LHFPL3: variants seen among roughly 807,000 people sequenced by gnomAD.
LHFPL3 encodes the protein LHFPL tetraspan subfamily member 3 protein.
In LHFPL3, 5 loss-of-function variants were observed where a neutral mutation model predicts 19.3. The observed-to-expected ratio is 0.26, with a 90% confidence interval of 0.14 to 0.54. The LOEUF (loss-of-function observed/expected upper bound fraction) is 0.54, where lower values mean the gene tolerates loss of function less well. Ranked by LOEUF, LHFPL3 falls within the 20% of genes least tolerant of loss-of-function variation. The pLI, the probability that LHFPL3 is intolerant of heterozygous loss-of-function variation, is 0.94. For missense variants in LHFPL3, 249 were observed against 307.4 expected (o/e 0.81, Z 1.42); for synonymous variants, 133 against 126.2 (o/e 1.05, Z -0.36).
intron 1 of LHFPL3, among the ~76,000 whole-genome samples, chr7:104,361,478 G>A (rs927347353): frequency 6.6e-6 from 1 of 152,106 alleles, no homozygotes; most frequent in East Asian, 1.9e-4. Context: ...AATTGCTTTT[G>A]AACTTTTCCA....
chr7:104,641,042 A>G (rs1446275448), intron 1 of LHFPL3, among the ~76,000 whole-genome samples: 3 of 152,234 alleles, frequency 2.0e-5, no homozygotes, highest in South Asian at 2.1e-4. Context: ...CCAAGTGAAC[A>G]TATCTGTGGT....
At chr7:104,685,303 C>T (rs528091016) in intron 1 of LHFPL3, among the ~76,000 whole-genome samples, 3 of 152,202 alleles carry the variant, frequency 2.0e-5, no homozygotes, top group East Asian at 1.9e-4. Flanking sequence ...ACCAAGATCC[C>T]GCCACTGCAC....
chr7:104,611,837 A>T (rs1361419973), intron 1 of LHFPL3, among the ~76,000 whole-genome samples: 2 of 152,196 alleles, frequency 1.3e-5, no homozygotes, highest in Non-Finnish European at 2.9e-5. Flanking sequence ...TTTGAAAGCA[A>T]GAAGATAATA....
At chr7:104,367,435 T>C (rs1790515392) in intron 1 of LHFPL3, among the ~76,000 whole-genome samples, 1 of 152,216 alleles carries the variant, frequency 6.6e-6, no homozygotes, top group Non-Finnish European at 1.5e-5. Flanking sequence ...AGAATTGTTA[T>C]GTTGTTGTAC....
chr7:104,702,161 T>C (rs1793115928), intron 1 of LHFPL3, among the ~76,000 whole-genome samples: 1 of 152,278 alleles, frequency 6.6e-6, no homozygotes, highest in East Asian at 1.9e-4. Flanking sequence ...TTGCTGAGAA[T>C]GATGATTTCC....
intron 1 of LHFPL3, among the ~76,000 whole-genome samples, chr7:104,450,055 T>C (rs1431338425): frequency 6.6e-6 from 1 of 152,230 alleles, no homozygotes; most frequent in Non-Finnish European, 1.5e-5. Context: ...AAGAGACCCC[T>C]CTCAGGATGG....
At chr7:104,603,128 T>TTCTC (rs1390508533) in intron 1 of LHFPL3, among the ~76,000 whole-genome samples, 1 of 136,260 alleles carries the variant, frequency 7.3e-6, no homozygotes, top group South Asian at 2.5e-4. Flanking sequence ...CTTTCTTTCT[T>TTCTC]TCTTTTTTCC....
At chr7:104,496,835 T>C (rs947797048) in intron 1 of LHFPL3, among the ~76,000 whole-genome samples, 1 of 152,192 alleles carries the variant, frequency 6.6e-6, no homozygotes, top group Non-Finnish European at 1.5e-5. Context: ...AACTTAGAGA[T>C]GTGAATGGAA....
At chr7:104,838,183 C>A (rs1242085884) in intron 2 of LHFPL3, among the ~76,000 whole-genome samples, 1 of 152,140 alleles carries the variant, frequency 6.6e-6, no homozygotes, top group Non-Finnish European at 1.5e-5. Flanking sequence ...ATATGAGAAC[C>A]ATTTGAGGAA....
chr7:104,677,876 A>G (rs1413693899), intron 1 of LHFPL3, among the ~76,000 whole-genome samples: 2 of 152,224 alleles, frequency 1.3e-5, no homozygotes, highest in Non-Finnish European at 2.9e-5. Flanking sequence ...TACATGGGGA[A>G]ACTGAGTTTT....
chr7:104,444,175 A>C (rs765043336), intron 1 of LHFPL3, among the ~76,000 whole-genome samples: 39 of 152,220 alleles, frequency 2.6e-4, no homozygotes, highest in Non-Finnish European at 5.0e-4. Flanking sequence ...GCCAGGGGCC[A>C]TTTGTAACCA....
chr7:104,833,169 A>G (rs1260116612), intron 2 of LHFPL3, among the ~76,000 whole-genome samples: 1 of 103,774 alleles, frequency 9.6e-6, no homozygotes, highest in Non-Finnish European at 1.8e-5. Context: ...TATTGTGGGA[A>G]CTTGTGATCA....
At chr7:104,790,025 G>A (rs548016539) in intron 2 of LHFPL3, among the ~76,000 whole-genome samples, 2 of 152,256 alleles carry the variant, frequency 1.3e-5, no homozygotes, top group South Asian at 4.2e-4. Flanking sequence ...GATTTATCCT[G>A]CTAGGTTTCT....
intron 1 of LHFPL3, among the ~76,000 whole-genome samples, chr7:104,454,997 T>A (rs1461425693): frequency 1.3e-5 from 2 of 152,192 alleles, no homozygotes; most frequent in African/African-American, 4.8e-5. Flanking sequence ...CTTGTCTTAT[T>A]AGCTGTGATC....
chr7:104,894,306 T>G (rs991115665), intron 2 of LHFPL3, among the ~76,000 whole-genome samples: 3 of 152,208 alleles, frequency 2.0e-5, no homozygotes, highest in African/African-American at 2.4e-5. Flanking sequence ...GCACAATGCC[T>G]GGCTAACAAG....
intron 1 of LHFPL3, among the ~76,000 whole-genome samples, chr7:104,614,687 CTTTCTTTCTTTCTTTCT>C (rs1562950486): frequency 2.7e-4 from 28 of 103,646 alleles, no homozygotes; most frequent in South Asian, 6.5e-4. Context: ...TTCCTTCTTT[CTTTCTTTCTTTCTTTCT>C]TTCTTTCTTT....
chr7:104,387,218 C>T (rs904867550), intron 1 of LHFPL3, among the ~76,000 whole-genome samples: 3 of 151,954 alleles, frequency 2.0e-5, no homozygotes, highest in Non-Finnish European at 2.9e-5. Flanking sequence ...TTGAAAAGTA[C>T]ATGGCCAGGT....
intron 1 of LHFPL3, among the ~76,000 whole-genome samples, chr7:104,447,087 T>G (rs1457498320): frequency 6.6e-6 from 1 of 152,250 alleles, no homozygotes; most frequent in Non-Finnish European, 1.5e-5. Context: ...TCTGTAGTTA[T>G]TTTGCATTTG....
chr7:104,335,473 A>G (rs1584594174), intron 1 of LHFPL3, among the ~76,000 whole-genome samples: 1 of 152,244 alleles, frequency 6.6e-6, no homozygotes, highest in East Asian at 1.9e-4. Flanking sequence ...AAATGTGACA[A>G]TTGGAAGAGA....
Sources: gnomAD v4.1 joint callset for allele counts (sites outside exome capture counted in the v4.1 genomes callset) on GRCh38, gnomAD v4.1.1 for gene constraint, MANE v1.5 for transcripts, NCBI Gene and HGNC (gene_info 2026-07-23, HGNC 2026-07-21) for gene names.